Variants in CD99 observed in about 807,000 individuals in gnomAD.
CD99 encodes CD99 antigen.
Under a neutral mutation model 28.4 loss-of-function variants are expected in CD99, and 19 were observed. The ratio of observed to expected loss-of-function variants is 0.67; its 90% CI spans 0.47 to 0.98. The LOEUF is 0.98. Among genes scored for constraint, CD99 ranks in the 50% least tolerant of loss-of-function variants. The pLI is 0.00. For synonymous variants in CD99, 103 were observed against 92.1 expected (o/e 1.12, Z -0.67); for missense variants, 283 against 248.8 (o/e 1.14, Z -0.92).
At chrX:2,691,766 C>A in intron 1 of CD99, 1 of 760,554 alleles carries the variant, frequency 1.3e-6, no homozygotes, top group Non-Finnish European at 2.4e-6. Flanking sequence ...GCCCCTCACC[C>A]CACCCCGTTA....
intron 8 of CD99, among the ~76,000 whole-genome samples, chrX:2,737,644 G>A (rs1364330453): frequency 2.0e-5 from 3 of 151,492 alleles, no homozygotes; most frequent in African/African-American, 7.3e-5. Flanking sequence ...ATAGGTGCAC[G>A]CCACCACGCC....
At chrX:2,691,576 C>A in intron 1 of CD99, 149 bp downstream of exon 1, 1 of 883,334 alleles carries the variant, frequency 1.1e-6, no homozygotes. Flanking sequence ...CACGGGGGCC[C>A]AGGCCCGGAG....
At chrX:2,703,605 A>AGTGTGT (rs556444956) in intron 1 of CD99, among the ~76,000 whole-genome samples, 2,426 of 138,456 alleles carry the variant, frequency 0.018, 39 homozygotes, top group African/African-American at 0.031. Flanking sequence ...CGAGCTGTTA[A>AGTGTGT]GTGTGTGTGT....
At chrX:2,714,100 A>G (rs2048572293) in intron 1 of CD99, among the ~76,000 whole-genome samples, 1 of 152,212 alleles carries the variant, frequency 6.6e-6, no homozygotes, top group Non-Finnish European at 1.5e-5. Context: ...TTTTCAGTAC[A>G]TATTCAAAAT....
intron 2 of CD99, chrX:2,717,367 G>T: frequency 3.0e-5 from 14 of 470,014 alleles, no homozygotes; most frequent in Non-Finnish European, 4.2e-5. Flanking sequence ...AAAAAAAGAA[G>T]TGGAGAAGGG....
chrX:2,725,982 C>A (rs1198537597), intron 7 of CD99, among the ~76,000 whole-genome samples: 1 of 152,172 alleles, frequency 6.6e-6, no homozygotes, highest in East Asian at 1.9e-4. Context: ...TCTGCCCGTA[C>A]CTCGCTGGCC....
intron 1 of CD99, among the ~76,000 whole-genome samples, chrX:2,695,842 C>T (rs1316558996): frequency 1.3e-5 from 2 of 152,054 alleles, no homozygotes; most frequent in African/African-American, 4.8e-5. Flanking sequence ...CCCTGTTGGA[C>T]AGGCTGGCCT....
chrX:2,726,764 C>T (rs2049306408), intron 8 of CD99, among the ~76,000 whole-genome samples: 1 of 152,156 alleles, frequency 6.6e-6, no homozygotes, highest in South Asian at 2.1e-4. Context: ...CTGTTATTTA[C>T]AACCGATGTC....
intron 1 of CD99, among the ~76,000 whole-genome samples, chrX:2,713,239 CACCT>C (rs1344172991): frequency 6.6e-6 from 1 of 151,940 alleles, no homozygotes; most frequent in African/African-American, 2.4e-5. Flanking sequence ...CACAGAAACA[CACCT>C]ACACACTGTG....
intron 1 of CD99, among the ~76,000 whole-genome samples, chrX:2,698,366 A>G (rs984427337): frequency 6.6e-6 from 1 of 151,922 alleles, no homozygotes; most frequent in Non-Finnish European, 1.5e-5. Flanking sequence ...TCGGAGTCTG[A>G]CTACATTGCC....
At chrX:2,717,383 T>C in intron 2 of CD99, 1 of 546,290 alleles carries the variant, frequency 1.8e-6, no homozygotes, top group Non-Finnish European at 3.3e-6. Context: ...AAGGGGCTCC[T>C]GGTCTCTGTG....
intron 8 of CD99, among the ~76,000 whole-genome samples, chrX:2,737,630 G>A (rs2050011637): frequency 6.6e-6 from 1 of 151,730 alleles, no homozygotes; most frequent in Admixed American, 6.6e-5. Flanking sequence ...GAGTAGCTGG[G>A]AGTATAGGTG....
At chrX:2,731,033 C>T (rs1188998178) in intron 8 of CD99, among the ~76,000 whole-genome samples, 1 of 151,928 alleles carries the variant, frequency 6.6e-6, no homozygotes, top group Non-Finnish European at 1.5e-5. Context: ...CATCCACTCA[C>T]AGCTTGGTTT....
Position 2,691,826 on chromosome X carries a change from C to T in CD99, c.67+399C>T, listed in dbSNP as rs772193354. 5.1e-6 allele frequency: 4 copies of T among 776,948 alleles called. No individual in the cohort carries two copies. In the South Asian group the frequency reaches 5.4e-5, roughly 10 times the overall value. The allele number at this position is 776,948 out of a possible 1,614,324, so 48.1% of individuals were successfully genotyped here. A position where few individuals can be genotyped will look rare whatever the true frequency, so the allele number is the denominator to read the frequency against. On this transcript the variant is annotated intron_variant, in intron 1 of 9. Transcript: ENST00000381192. The stretch of plus-strand genomic sequence containing the variant: ...GCGTCTTCAGGCCGCGCGCGGAGGC[C>T]GCCCTGGAGTTGCCTGTCACAGCCA...
At chrX:2,705,875 C>T (rs2048088512) in intron 1 of CD99, among the ~76,000 whole-genome samples, 1 of 152,042 alleles carries the variant, frequency 6.6e-6, no homozygotes, top group Non-Finnish European at 1.5e-5. Flanking sequence ...TATCAGCTGC[C>T]TCCTGCTATT....
At chrX:2,713,931 T>G (rs1429165218) in intron 1 of CD99, among the ~76,000 whole-genome samples, 4 of 152,212 alleles carry the variant, frequency 2.6e-5, no homozygotes, top group Non-Finnish European at 5.9e-5. Context: ...TATCAATAAT[T>G]CAGCATGCCA....
Position 2,714,447 on chromosome X carries a change from C to T in CD99, c.93C>T (p.Ala31=), listed in dbSNP as rs780302853. The T allele has an allele frequency of 6.2e-6, 10 of 1,600,066 alleles. No homozygotes were observed. The highest frequency in any genetic ancestry group is 4.4e-5 in the South Asian group (4 of 90,194). The change falls in exon 2 of 10, where the codon GCC becomes GCT. Residue 31 remains alanine, a synonymous_variant. Coordinates refer to ENST00000381192, the MANE Select transcript of CD99 (RefSeq NM_002414.5). ...APDGGFDLSD[A]LPDNENKKPT... ...ATGGTGGTTTCGATTTATCCGATGCCCTTCCTGGTGAGTATCAACATCATT... is the reference window on the plus strand; with the variant it reads ...ATGGTGGTTTCGATTTATCCGATGCTCTTCCTGGTGAGTATCAACATCATT...
chrX:2,738,556 T>C (rs749032023), intron 9 of CD99, among the ~76,000 whole-genome samples: 2 of 152,152 alleles, frequency 1.3e-5, no homozygotes, highest in East Asian at 3.9e-4. Flanking sequence ...TGAAACCCTG[T>C]CTGTACTAAA....
At chrX:2,740,575 A>G (rs2050149976) in intron 9 of CD99, among the ~76,000 whole-genome samples, 1 of 147,288 alleles carries the variant, frequency 6.8e-6, no homozygotes, top group Non-Finnish European at 1.5e-5. Flanking sequence ...TTTCTGCAGC[A>G]TCCATTTTTT....
Sources: allele counts gnomAD v4.1 joint callset (sites outside exome capture counted in the v4.1 genomes callset), GRCh38; gene constraint gnomAD v4.1.1; transcripts MANE v1.5; gene names NCBI Gene and HGNC (gene_info 2026-07-23, HGNC 2026-07-21).